The following DNAH11 variants were observed in gnomAD, a reference collection of about 807,000 sequenced individuals.
The protein encoded by DNAH11 is dynein axonemal heavy chain 11.
In DNAH11, 442 loss-of-function variants were observed where a neutral mutation model predicts 526.0. The ratio of observed to expected loss-of-function variants is 0.84; its 90% CI spans 0.78 to 0.91. The LOEUF (loss-of-function observed/expected upper bound fraction) is 0.91. Ranked by LOEUF, DNAH11 falls within the 40% of genes least tolerant of loss-of-function variation. The probability of loss-of-function intolerance (pLI) is 0.00; values close to 1 mark genes in which losing one functional copy is unlikely to be tolerated. For synonymous variants in DNAH11, 2,461 were observed against 1,935.9 expected (o/e 1.27, Z -7.12); for missense variants, 6,989 against 5,448.7 (o/e 1.28, Z -8.90).
rs1448605834 is a variant in DNAH11 at position 21,868,897 on chromosome 7, A to G, written c.11873A>G (p.Lys3958Arg). 16 of 1,614,006 alleles carry G rather than the reference A, an allele frequency of 9.9e-6. No homozygotes were observed. In the South Asian group the frequency reaches 1.4e-4, roughly 14 times the overall value. Residue 3958 changes from lysine to arginine, a missense_variant, in exon 73 of 82, where the codon AAA (lysine) becomes AGA (arginine). By Grantham distance (26) the Lys-to-Arg change is conservative. Coordinates refer to ENST00000409508, the MANE Select transcript of DNAH11 (RefSeq NM_001277115.2). ...CTTGGCTTTACAATTGACTCTGGAA[A>G]ATTCCACAATGTGTCTTTAGGACAA... is the stretch of plus-strand genomic sequence containing the variant. The part of the protein sequence containing the change: ...KRLGFTIDSG[K>R]FHNVSLGQGQ...
At chr7:21,860,914 CAT>C (rs1338661146) in intron 68 of DNAH11, among the ~76,000 whole-genome samples, 1 of 152,178 alleles carries the variant, frequency 6.6e-6, no homozygotes, top group South Asian at 2.1e-4. Flanking sequence ...GATTTCCCCT[CAT>C]AAAACCATCA....
rs372524632 is a variant in DNAH11, at chr7:21,842,538, G to A, written c.10692-6G>A. On this transcript the variant is annotated splice_polypyrimidine_tract_variant and splice_region_variant and intron_variant, in intron 65 of 81. Coordinates refer to ENST00000409508, the MANE Select transcript of DNAH11 (RefSeq NM_001277115.2). ...CTCCTGAAAGTCTGTGTTTTGCTCC[G>A]TTTAGGTATATCAGGATTGGAGATA... 1.2e-5 allele frequency: 20 copies of A among 1,612,940 alleles called. No homozygotes were observed. The highest frequency in any genetic ancestry group is 1.7e-4 in the Middle Eastern group (1 of 6,060).
chr7:21,576,944 AAAAC>A (rs1784120020), intron 8 of DNAH11, among the ~76,000 whole-genome samples: 1 of 152,190 alleles, frequency 6.6e-6, no homozygotes, highest in Admixed American at 6.5e-5. Context: ...GTATCTGAGA[AAAAC>A]AAAACAAAAA....
intron 66 of DNAH11, among the ~76,000 whole-genome samples, chr7:21,844,418 C>G (rs1272606183): frequency 6.6e-6 from 1 of 152,150 alleles, no homozygotes; most frequent in Non-Finnish European, 1.5e-5. Context: ...GAGCAAGACT[C>G]TGTCTCAAAC....
chr7:21,647,434 T>C (rs942817927), intron 28 of DNAH11, among the ~76,000 whole-genome samples: 5 of 147,570 alleles, frequency 3.4e-5, no homozygotes, highest in East Asian at 3.9e-4. Context: ...TTTCTTTTTT[T>C]TTTTTTTTTT....
At chr7:21,713,879 A>G (rs1473831411) in intron 42 of DNAH11, among the ~76,000 whole-genome samples, 1 of 152,188 alleles carries the variant, frequency 6.6e-6, no homozygotes, top group East Asian at 1.9e-4. Flanking sequence ...TCTTGGGATA[A>G]TAACTCCTTT....
chr7:21,617,792 T>C lies in DNAH11; in HGVS notation c.4254+15T>C, dbSNP rs970816477. On this transcript the variant is annotated intron_variant, in intron 23 of 81. Transcript: ENST00000409508. ...AAGCTATTGGGGTCAGTATCCTTGGTCTCACTAATGAACCTTTTTATGACT... is the reference window on the plus strand; with the variant it reads ...AAGCTATTGGGGTCAGTATCCTTGGCCTCACTAATGAACCTTTTTATGACT... 1.1e-5 allele frequency: 18 copies of C among 1,569,646 alleles called. No homozygotes were observed. In the African/African-American group the frequency reaches 2.2e-4, roughly 19 times the overall value.
intron 28 of DNAH11, among the ~76,000 whole-genome samples, chr7:21,646,642 C>G (rs191596175): frequency 1.3e-5 from 2 of 152,224 alleles, no homozygotes; most frequent in Admixed American, 1.3e-4. Context: ...ATCAGGTGCC[C>G]AGTGAGCTCC....
chr7:21,749,837 C>T, intron 53 of DNAH11, 36 bp downstream of exon 53: 1 of 1,610,572 alleles, frequency 6.2e-7, no homozygotes, highest in Non-Finnish European at 8.5e-7. Flanking sequence ...AAGATCTTCC[C>T]CAATGACAAA....
At chr7:21,635,225 C>T (rs1786803560) in intron 25 of DNAH11, among the ~76,000 whole-genome samples, 1 of 152,112 alleles carries the variant, frequency 6.6e-6, no homozygotes, top group Non-Finnish European at 1.5e-5. Context: ...GGCGTGATCT[C>T]AGCTCACTGC....
At chr7:21,900,417 T>C (rs1784734613) in intron 81 of DNAH11, among the ~76,000 whole-genome samples, 1 of 151,294 alleles carries the variant, frequency 6.6e-6, no homozygotes, top group South Asian at 2.1e-4. Flanking sequence ...TGCTTTTCAA[T>C]ATAATCATTT....
intron 44 of DNAH11, 68 bp from the exon 45 acceptor site, chr7:21,725,743 A>C: frequency 1.6e-5 from 24 of 1,479,334 alleles, no homozygotes; most frequent in Non-Finnish European, 2.1e-5. Flanking sequence ...GTTACTCATA[A>C]TTTGTTTCTT....
At chr7:21,663,488 T>C (rs1205031935) in intron 30 of DNAH11, among the ~76,000 whole-genome samples, 1 of 152,072 alleles carries the variant, frequency 6.6e-6, no homozygotes, top group Non-Finnish European at 1.5e-5. Flanking sequence ...CCAACATCTG[T>C]GTTGTTGTTG....
chr7:21,789,015 G>A (rs570271328), intron 60 of DNAH11, among the ~76,000 whole-genome samples: 46 of 152,266 alleles, frequency 3.0e-4, no homozygotes, highest in African/African-American at 1.1e-3. Flanking sequence ...CAGGCCAGGT[G>A]TGGTGGCATA....
chr7:21,638,147 A>C (rs1475302823), intron 27 of DNAH11, among the ~76,000 whole-genome samples: 1 of 152,150 alleles, frequency 6.6e-6, no homozygotes, highest in Non-Finnish European at 1.5e-5. Context: ...TTTGTAAAGT[A>C]ATTTTCACAT....
chr7:21,876,165 G>C (rs1783704287), intron 74 of DNAH11, among the ~76,000 whole-genome samples: 1 of 152,150 alleles, frequency 6.6e-6, no homozygotes, highest in Admixed American at 6.5e-5. Flanking sequence ...TTACAGGCGT[G>C]AGCCACCGCA....
In DNAH11 at chr7:21,645,818, C is replaced by G. The variant is rs188602140; in HGVS notation, c.4944+6753C>G. ...GAATCAATTCCAGATGGATGTAGAT[C>G]TAAATGTGAAAGGTGAAACAAACGA... On this transcript the variant is annotated intron_variant, in intron 28 of 81. Transcript: ENST00000409508. Among the ~76,000 whole-genome samples the G allele has an allele frequency of 4.6e-5, 7 of 151,816 alleles. No individual in the cohort carries two copies. In the East Asian group the frequency reaches 1.4e-3, roughly 30 times the overall value.
At chr7:21,645,008 A>G (rs1787288124) in intron 28 of DNAH11, among the ~76,000 whole-genome samples, 1 of 152,226 alleles carries the variant, frequency 6.6e-6, no homozygotes, top group Non-Finnish European at 1.5e-5. Flanking sequence ...ATGTGTTGCC[A>G]CTGCATTGTA....
intron 65 of DNAH11, among the ~76,000 whole-genome samples, chr7:21,825,708 T>C (rs1790255595): frequency 6.6e-6 from 1 of 152,026 alleles, no homozygotes; most frequent in African/African-American, 2.4e-5. Context: ...TAAAAAGTGC[T>C]TTGATGTTTG....
Sources: gnomAD v4.1 joint callset for allele counts (sites outside exome capture counted in the v4.1 genomes callset) on GRCh38, gnomAD v4.1.1 for gene constraint, MANE v1.5 for transcripts, NCBI Gene and HGNC (gene_info 2026-07-23, HGNC 2026-07-21) for gene names.